The following GRAMD1B variants were observed in gnomAD, a reference collection of about 807,000 sequenced individuals.
GRAMD1B encodes the protein protein Aster-B.
A neutral mutation model predicts 99.7 loss-of-function variants in GRAMD1B; 37 were observed. The observed-to-expected ratio is 0.37, with a 90% confidence interval of 0.29 to 0.49. The LOEUF (loss-of-function observed/expected upper bound fraction) is 0.49, where lower values mean the gene tolerates loss of function less well. Ranked by LOEUF, GRAMD1B falls within the 20% of genes least tolerant of loss-of-function variation. The probability of loss-of-function intolerance (pLI) is 0.98; values close to 1 mark genes in which losing one functional copy is unlikely to be tolerated. For missense variants in GRAMD1B, 888 were observed against 1,009.2 expected, an observed-to-expected ratio of 0.88 and a Z score of 1.63; for synonymous variants, 427 against 387.6, an observed-to-expected ratio of 1.10 and a Z score of -1.19.
chr11:123,531,026 G>A (rs1457424199), intron 2 of GRAMD1B, among the ~76,000 whole-genome samples: 1 of 152,208 alleles, frequency 6.6e-6, no homozygotes, highest in Non-Finnish European at 1.5e-5. Flanking sequence ...TCCTGATAGA[G>A]CAGGTTGCTA....
At chr11:123,491,907 T>G in intron 2 of GRAMD1B, 2 of 399,226 alleles carry the variant, frequency 5.0e-6, no homozygotes, top group Non-Finnish European at 8.8e-6. Context: ...AAAGCAGGCT[T>G]GTCACTACCA....
chr11:123,412,974 G>T (rs1036655186), intron 1 of GRAMD1B, among the ~76,000 whole-genome samples: 5 of 152,078 alleles, frequency 3.3e-5, no homozygotes, highest in Non-Finnish European at 5.9e-5. Context: ...TAGCGATGGG[G>T]TTTCATCATA....
At chr11:123,386,157 T>C (rs1947050690) in intron 1 of GRAMD1B, among the ~76,000 whole-genome samples, 1 of 152,204 alleles carries the variant, frequency 6.6e-6, no homozygotes. Flanking sequence ...GAGATTCTAA[T>C]ATCAACTTTA....
At chr11:123,415,313 G>A (rs1948198636) in intron 1 of GRAMD1B, among the ~76,000 whole-genome samples, 1 of 151,878 alleles carries the variant, frequency 6.6e-6, no homozygotes. Context: ...GTGTTTGCCA[G>A]GATGGTCTCG....
intron 1 of GRAMD1B, among the ~76,000 whole-genome samples, chr11:123,375,790 T>G (rs750598451): frequency 2.0e-5 from 3 of 152,078 alleles, no homozygotes; most frequent in Non-Finnish European, 2.9e-5. Context: ...TTGTTGAAGG[T>G]TGGAGAATGA....
intron 12 of GRAMD1B, 38 bp downstream of exon 12, chr11:123,608,840 C>A: frequency 7.8e-7 from 1 of 1,286,398 alleles, no homozygotes; most frequent in Non-Finnish European, 1.1e-6. Context: ...ATTCCTCCCT[C>A]TTCATCCTCA....
intron 2 of GRAMD1B, among the ~76,000 whole-genome samples, chr11:123,516,467 T>C (rs1480052395): frequency 6.6e-6 from 1 of 152,222 alleles, no homozygotes; most frequent in Non-Finnish European, 1.5e-5. Context: ...TTATTGGCAG[T>C]GATAGTAGCA....
rs146887859 is a variant in GRAMD1B at position 123,626,525 on chromosome 11, G to A, written c.*3930G>A. 6.6e-6 allele frequency: 1 copy of A among 152,294 alleles called. No homozygotes were observed. The highest frequency in any genetic ancestry group is 1.9e-4 in the East Asian group (1 of 5,176). 9.4% of individuals were successfully genotyped at this position (152,294 alleles called of 1,614,324 possible). ...CCATGCCACTTCTTTAAGCTCTTCA[G>A]GGCAGCCAAAGCCAGCCCTTTTCTC... On this transcript the variant is annotated 3_prime_UTR_variant, in exon 20 of 20. Transcript: ENST00000635736.
intron 1 of GRAMD1B, chr11:123,435,594 T>A (rs1272650803): frequency 1.6e-6 from 1 of 617,704 alleles, no homozygotes; most frequent in Non-Finnish European, 2.9e-6. Context: ...CCAAGACCAA[T>A]CATGTTCATC....
intron 1 of GRAMD1B, among the ~76,000 whole-genome samples, chr11:123,403,839 C>G (rs1326732773): frequency 6.6e-6 from 1 of 152,086 alleles, no homozygotes; most frequent in Non-Finnish European, 1.5e-5. Flanking sequence ...CCACCGCGCC[C>G]GGCCTGCTTG....
chr11:123,512,224 C>A (rs1428472092), intron 2 of GRAMD1B, among the ~76,000 whole-genome samples: 1 of 152,224 alleles, frequency 6.6e-6, no homozygotes, highest in Non-Finnish European at 1.5e-5. Context: ...AAGCAGTTTG[C>A]TCTCTGGTGG....
intron 2 of GRAMD1B, chr11:123,560,674 C>A (rs1478619137): frequency 2.2e-6 from 1 of 452,082 alleles, no homozygotes. Flanking sequence ...CTCGTGCTGA[C>A]GCCTGGTGCG....
intron 2 of GRAMD1B, among the ~76,000 whole-genome samples, chr11:123,535,516 G>A (rs1423911065): frequency 1.3e-5 from 2 of 152,110 alleles, no homozygotes; most frequent in South Asian, 4.2e-4. Context: ...TGCTGAGGGG[G>A]TGAATCATCC....
At chr11:123,476,850 A>G (rs1179317315) in intron 1 of GRAMD1B, among the ~76,000 whole-genome samples, 1 of 152,204 alleles carries the variant, frequency 6.6e-6, no homozygotes, top group African/African-American at 2.4e-5. Context: ...CTTGTTGTTA[A>G]GACAGAATTG....
intron 2 of GRAMD1B, among the ~76,000 whole-genome samples, chr11:123,507,212 C>T (rs1230248139): frequency 6.6e-6 from 1 of 152,178 alleles, no homozygotes; most frequent in Non-Finnish European, 1.5e-5. Flanking sequence ...CAGCAAGAGC[C>T]AGAAGAAACA....
intron 1 of GRAMD1B, among the ~76,000 whole-genome samples, chr11:123,421,242 A>G (rs1948424092): frequency 6.6e-6 from 1 of 152,180 alleles, no homozygotes; most frequent in Non-Finnish European, 1.5e-5. Context: ...ACATGTTGGG[A>G]TTAGTTCTAG....
chr11:123,457,430 C>G (rs934872763), intron 1 of GRAMD1B, among the ~76,000 whole-genome samples: 1 of 152,224 alleles, frequency 6.6e-6, no homozygotes, highest in African/African-American at 2.4e-5. Flanking sequence ...GCCAGCAACT[C>G]CCTTCTTTCT....
intron 1 of GRAMD1B, among the ~76,000 whole-genome samples, chr11:123,439,484 G>A (rs1156697923): frequency 1.3e-5 from 2 of 152,210 alleles, no homozygotes; most frequent in African/African-American, 2.4e-5. Context: ...ATGTGGCTGT[G>A]CCTTTGGTCC....
chr11:123,596,849 C>G (rs1455399228), intron 7 of GRAMD1B, among the ~76,000 whole-genome samples: 2 of 152,314 alleles, frequency 1.3e-5, no homozygotes, highest in Non-Finnish European at 2.9e-5. Flanking sequence ...GCTTATAAGG[C>G]AGATCAGTGC....
Sources: allele counts gnomAD v4.1 joint callset (sites outside exome capture counted in the v4.1 genomes callset), GRCh38; gene constraint gnomAD v4.1.1; transcripts MANE v1.5; gene names NCBI Gene and HGNC (gene_info 2026-07-23, HGNC 2026-07-21).